ROBO2: variants seen among roughly 807,000 people sequenced by gnomAD.
The protein encoded by ROBO2 is roundabout guidance receptor 2, also known as roundabout homolog 2.
In ROBO2, 53 loss-of-function variants were observed where a neutral mutation model predicts 160.8. That is an observed-to-expected ratio of 0.33 (90% CI 0.26 to 0.41). The LOEUF (loss-of-function observed/expected upper bound fraction) is 0.41. ROBO2 is among the 10% of genes least tolerant of loss of function. The pLI is 1.00. For missense variants in ROBO2, 1,577 were observed against 1,722.4 expected (o/e 0.92, Z 1.49); for synonymous variants, 664 against 611.7 (o/e 1.09, Z -1.26).
At chr3:76,521,003 C>T (rs943607339) in intron 2 of ROBO2, among the ~76,000 whole-genome samples, 3 of 149,678 alleles carry the variant, frequency 2.0e-5, no homozygotes, top group Middle Eastern at 3.3e-3. Flanking sequence ...ATTATTTGTC[C>T]AGAAGTTTGA....
At chr3:77,154,134 TTG>T (rs751829877) in intron 2 of ROBO2, among the ~76,000 whole-genome samples, 11 of 151,584 alleles carry the variant, frequency 7.3e-5, no homozygotes, top group Non-Finnish European at 1.2e-4. Context: ...AAAAAAAAAC[TTG>T]TGAGAACATA....
intron 2 of ROBO2, among the ~76,000 whole-genome samples, chr3:77,179,043 T>C (rs1290839508): frequency 6.6e-6 from 1 of 152,090 alleles, no homozygotes; most frequent in African/African-American, 2.4e-5. Flanking sequence ...TCATAGTATG[T>C]GGTACTTACT....
intron 2 of ROBO2, among the ~76,000 whole-genome samples, chr3:76,618,330 T>C (rs1184942660): frequency 6.6e-6 from 1 of 151,520 alleles, no homozygotes; most frequent in Non-Finnish European, 1.5e-5. Context: ...TAAAGCCTAG[T>C]AATTTATAGG....
At chr3:77,394,036 C>T (rs927977505) in intron 2 of ROBO2, among the ~76,000 whole-genome samples, 1 of 152,098 alleles carries the variant, frequency 6.6e-6, no homozygotes, top group Non-Finnish European at 1.5e-5. Flanking sequence ...AGAGTGAACC[C>T]TCATAACTGC....
At chr3:77,384,480 T>C (rs1320663525) in intron 2 of ROBO2, among the ~76,000 whole-genome samples, 1 of 152,172 alleles carries the variant, frequency 6.6e-6, no homozygotes, top group Admixed American at 6.5e-5. Flanking sequence ...AAACCAGTCC[T>C]CTCTGAACAA....
chr3:76,982,084 T>C (rs988420988), intron 2 of ROBO2, among the ~76,000 whole-genome samples: 1 of 152,194 alleles, frequency 6.6e-6, no homozygotes, highest in Non-Finnish European at 1.5e-5. Flanking sequence ...TTAATTTTGG[T>C]GAAGTCCAAT....
At chr3:77,002,005 T>C (rs1004394467) in intron 2 of ROBO2, among the ~76,000 whole-genome samples, 1 of 152,176 alleles carries the variant, frequency 6.6e-6, no homozygotes, top group African/African-American at 2.4e-5. Flanking sequence ...TTTTTAAGTT[T>C]ACTATATTAT....
At chr3:75,937,229 C>T (rs1333925935) in intron 1 of ROBO2, among the ~76,000 whole-genome samples, 1 of 151,736 alleles carries the variant, frequency 6.6e-6, no homozygotes, top group East Asian at 1.9e-4. Flanking sequence ...GGTTAAATGG[C>T]CTGTTTTGGA....
chr3:76,457,928 C>G (rs975696952), intron 2 of ROBO2, among the ~76,000 whole-genome samples: 1 of 152,092 alleles, frequency 6.6e-6, no homozygotes, highest in African/African-American at 2.4e-5. Context: ...CTCTCAGCTG[C>G]ACACAGCACG....
intron 2 of ROBO2, among the ~76,000 whole-genome samples, chr3:76,568,984 A>G (rs1421849694): frequency 6.6e-6 from 1 of 152,214 alleles, no homozygotes; most frequent in Non-Finnish European, 1.5e-5. Context: ...GTGCTTCCAC[A>G]TAATGCTGTT....
intron 2 of ROBO2, among the ~76,000 whole-genome samples, chr3:77,186,404 G>A (rs2150900460): frequency 6.6e-6 from 1 of 152,062 alleles, no homozygotes; most frequent in East Asian, 1.9e-4. Flanking sequence ...TATTAATAAA[G>A]TAGGAGGTGA....
At chr3:76,726,481 A>C (rs537173552) in intron 2 of ROBO2, among the ~76,000 whole-genome samples, 2 of 152,094 alleles carry the variant, frequency 1.3e-5, no homozygotes, top group Admixed American at 1.3e-4. Context: ...TTCTCTGTGT[A>C]CCTTGGGCTG....
intron 2 of ROBO2, among the ~76,000 whole-genome samples, chr3:77,188,623 C>T (rs2081505321): frequency 6.6e-6 from 1 of 151,814 alleles, no homozygotes; most frequent in African/African-American, 2.4e-5. Flanking sequence ...AAACAAAATA[C>T]ACCCTTTTCA....
In ROBO2 at chr3:76,444,738, T is replaced by C. The variant is rs541498618; in HGVS notation, c.109+507136T>C. On this transcript the variant is annotated intron_variant, in intron 2 of 26. Transcript: ENST00000487694. Reference sequence around the variant, plus strand: ...GTTTTTATTCAAGATGATATTTGAATGGGGACACAAAGCCTAACCATATCA... The same window carrying C: ...GTTTTTATTCAAGATGATATTTGAACGGGGACACAAAGCCTAACCATATCA... Among the ~76,000 whole-genome samples the C allele has an allele frequency of 2.0e-5, 3 of 152,292 alleles. No individual in the cohort carries two copies. The East Asian group carries it at 5.8e-4, about 29-fold the overall frequency.
intron 23 of ROBO2, chr3:77,632,474 G>T (rs1395879182): frequency 1.3e-6 from 2 of 1,529,150 alleles, no homozygotes. Flanking sequence ...TTGTTTTTAG[G>T]TTCAATGGTA....
At chr3:76,366,280 T>C (rs2075808380) in intron 2 of ROBO2, among the ~76,000 whole-genome samples, 1 of 152,036 alleles carries the variant, frequency 6.6e-6, no homozygotes, top group South Asian at 2.1e-4. Context: ...TTTACCCTGC[T>C]CTAATATCCT....
chr3:76,322,715 A>T (rs891616229), intron 2 of ROBO2, among the ~76,000 whole-genome samples: 8 of 152,192 alleles, frequency 5.3e-5, no homozygotes, highest in Non-Finnish European at 1.0e-4. Context: ...TTAGATTTGA[A>T]CAGACTCTTA....
rs201289122 is a variant in ROBO2, at chr3:76,968,917, GTTAAT to G, written c.110-129093_110-129089del. ...TTTCCAATTTAATCACTTTTTAAAA[GTTAAT>G]TTAGTGACAGCTGCATAACCGGATA... On this transcript the variant is annotated intron_variant, in intron 2 of 26. Transcript: ENST00000487694. Among the ~76,000 whole-genome samples the G allele has an allele frequency of 2.9e-3, 445 of 152,190 alleles. 4 individuals carry two copies. Among genetic ancestry groups the G allele is most frequent in the African/African-American group, 0.01 (416 of 41,538 alleles).
At chr3:77,419,892 T>C (rs1289784738) in intron 2 of ROBO2, among the ~76,000 whole-genome samples, 3 of 152,148 alleles carry the variant, frequency 2.0e-5, no homozygotes, top group African/African-American at 4.8e-5. Context: ...CCATAGTGTA[T>C]TCCTGAAAAT....
Sources: gnomAD v4.1 joint callset for allele counts (sites outside exome capture counted in the v4.1 genomes callset) on GRCh38, gnomAD v4.1.1 for gene constraint, MANE v1.5 for transcripts, NCBI Gene and HGNC (gene_info 2026-07-23, HGNC 2026-07-21) for gene names.